Variants in SGCZ observed in about 807,000 individuals in gnomAD.
SGCZ encodes sarcoglycan zeta.
A neutral mutation model predicts 41.3 loss-of-function variants in SGCZ; 40 were observed. That is an observed-to-expected ratio of 0.97 (90% confidence interval 0.75 to 1.26). The LOEUF is 1.26. Among genes scored for constraint, SGCZ ranks in the 50% most tolerant of loss-of-function variants. SGCZ has a pLI of 0.00. For missense variants in SGCZ, 552 were observed against 369.8 expected (o/e 1.49, Z -4.04); for synonymous variants, 206 against 137.5 (o/e 1.50, Z -3.49).
chr8:14,714,395 C>T (rs940510214), intron 1 of SGCZ, among the ~76,000 whole-genome samples: 3 of 152,188 alleles, frequency 2.0e-5, no homozygotes, highest in Non-Finnish European at 4.4e-5. Context: ...ATGATTACTT[C>T]AAGCCAATGA....
intron 1 of SGCZ, among the ~76,000 whole-genome samples, chr8:14,941,762 CAG>C (rs935235334): frequency 9.9e-5 from 15 of 151,636 alleles, no homozygotes; most frequent in African/African-American, 2.2e-4. Flanking sequence ...TTGCATAAAA[CAG>C]ATATTTTAAA....
At chr8:14,532,337 G>A (rs1254880915) in intron 2 of SGCZ, among the ~76,000 whole-genome samples, 2 of 152,048 alleles carry the variant, frequency 1.3e-5, no homozygotes, top group Non-Finnish European at 2.9e-5. Flanking sequence ...TGGAGTCTTG[G>A]TAAAGCTAAC....
At chr8:15,049,500 T>A (rs1194925976) in intron 1 of SGCZ, among the ~76,000 whole-genome samples, 2 of 152,108 alleles carry the variant, frequency 1.3e-5, no homozygotes, top group African/African-American at 4.8e-5. Flanking sequence ...AGAAGTAACA[T>A]GATCTACATT....
At chr8:14,229,167 A>C (rs1806475149) in intron 4 of SGCZ, among the ~76,000 whole-genome samples, 1 of 152,172 alleles carries the variant, frequency 6.6e-6, no homozygotes, top group Admixed American at 6.6e-5. Context: ...CTGTACAAAT[A>C]ATTGTCAATT....
intron 1 of SGCZ, among the ~76,000 whole-genome samples, chr8:14,734,305 T>A (rs2036823): frequency 1 from 151,746 of 152,304 alleles, 75,600 homozygotes; most frequent in Middle Eastern, 1. Flanking sequence ...TACAAAATTG[T>A]AATAAAATAA....
intron 1 of SGCZ, among the ~76,000 whole-genome samples, chr8:15,209,591 A>G (rs1563185231): frequency 6.6e-6 from 1 of 152,054 alleles, no homozygotes; most frequent in Non-Finnish European, 1.5e-5. Context: ...TGGGATAGAC[A>G]TTTTGCTTAA....
At chr8:15,222,676 C>T (rs187043816) in intron 1 of SGCZ, among the ~76,000 whole-genome samples, 8 of 152,082 alleles carry the variant, frequency 5.3e-5, no homozygotes, top group Non-Finnish European at 1.0e-4. Context: ...ACATCCCAAA[C>T]TGCTTGGCTG....
rs532915654 is a variant in SGCZ, at chr8:14,629,598, G to C, written c.40-74672C>G. Among the ~76,000 whole-genome samples the C allele has an allele frequency of 2.0e-5, 3 of 152,172 alleles. No homozygotes were observed. In the South Asian group the frequency reaches 6.2e-4, roughly 32 times the overall value. On this transcript the variant is annotated intron_variant, in intron 1 of 7. Transcript: ENST00000382080. ...CCTCTTAGCCACTGGAAAGTGACTT[G>C]TTGGAATCTCTATGTATGCATGCAA... is the stretch of plus-strand genomic sequence containing the variant.
At chr8:14,869,932 A>T (rs940850822) in intron 1 of SGCZ, among the ~76,000 whole-genome samples, 5 of 152,226 alleles carry the variant, frequency 3.3e-5, no homozygotes, top group African/African-American at 4.8e-5. Context: ...CTAAGAGAGG[A>T]CACAAACAAA....
At chr8:14,829,778 G>C (rs990289589) in intron 1 of SGCZ, among the ~76,000 whole-genome samples, 4 of 151,866 alleles carry the variant, frequency 2.6e-5, no homozygotes, top group Non-Finnish European at 4.4e-5. Context: ...CATAAAACTT[G>C]TAAAGATTAA....
chr8:14,328,868 C>A (rs1802218375), intron 2 of SGCZ, among the ~76,000 whole-genome samples: 1 of 152,178 alleles, frequency 6.6e-6, no homozygotes, highest in Non-Finnish European at 1.5e-5. Context: ...GTAAATGAAG[C>A]TTCACGCAGT....
chr8:14,162,897 G>T (rs753025502), intron 5 of SGCZ, among the ~76,000 whole-genome samples: 3 of 152,128 alleles, frequency 2.0e-5, no homozygotes, highest in African/African-American at 4.8e-5. Context: ...TCGAGAGAGG[G>T]TCTGGCTCTG....
intron 1 of SGCZ, among the ~76,000 whole-genome samples, chr8:15,216,660 G>A (rs1437107270): frequency 6.6e-6 from 1 of 152,114 alleles, no homozygotes; most frequent in Non-Finnish European, 1.5e-5. Context: ...AGAAAATATG[G>A]AAAGCATCTT....
chr8:15,200,196 C>G (rs1466764135), intron 1 of SGCZ, among the ~76,000 whole-genome samples: 2 of 152,158 alleles, frequency 1.3e-5, no homozygotes, highest in Admixed American at 1.3e-4. Flanking sequence ...GTCAATATAG[C>G]ATAAATACTG....
intron 1 of SGCZ, among the ~76,000 whole-genome samples, chr8:14,884,696 G>A (rs868112868): frequency 5.3e-5 from 8 of 151,566 alleles, no homozygotes; most frequent in Non-Finnish European, 7.4e-5. Context: ...AGAAAGAAAA[G>A]GTAGATATTT....
chr8:15,207,482 G>C (rs750256114), intron 1 of SGCZ, among the ~76,000 whole-genome samples: 24 of 152,134 alleles, frequency 1.6e-4, no homozygotes, highest in Non-Finnish European at 3.5e-4. Context: ...AAAAGAGTGG[G>C]ATCATAGAAA....
intron 3 of SGCZ, among the ~76,000 whole-genome samples, chr8:14,288,659 T>A (rs910171869): frequency 6.6e-6 from 1 of 152,174 alleles, no homozygotes; most frequent in Admixed American, 6.6e-5. Context: ...TATATGGATT[T>A]ACCATATTTT....
rs866782439 is a variant in SGCZ, at chr8:14,636,656, C to T, written c.40-81730G>A. Among the ~76,000 whole-genome samples, 26 of 151,712 alleles carry T rather than the reference C, an allele frequency of 1.7e-4. No homozygotes were observed. The Admixed American group carries it at 1.7e-3, about 10-fold the overall frequency. On this transcript the variant is annotated intron_variant, in intron 1 of 7. Transcript: ENST00000382080. ...CCAAGCAGGAATGTCTACTTGACGGCTGATGCAAGTATCAGAAGCTCAGGA... is the reference window on the plus strand; with the variant it reads ...CCAAGCAGGAATGTCTACTTGACGGTTGATGCAAGTATCAGAAGCTCAGGA...
In SGCZ at chr8:15,159,748, CCCCACCCCCG is replaced by C. The variant is rs1563157602; in HGVS notation, c.39+77827_39+77836del. Among the ~76,000 whole-genome samples the C allele has an allele frequency of 6.7e-3, 366 of 54,974 alleles. 16 individuals carry two copies. Among genetic ancestry groups the C allele is most frequent in the Middle Eastern group, 0.025 (3 of 120 alleles). The allele number at this position is 54,974 out of a possible 152,430, so 36.1% of individuals were successfully genotyped here. On this transcript the variant is annotated intron_variant, in intron 1 of 7. Transcript: ENST00000382080. ...TCGCCCCCGCCCCCCCCACCCTCCCCCCCACCCCCGCCACACACACACAGATGGTGTCTGA... is the reference window on the plus strand; with the variant it reads ...TCGCCCCCGCCCCCCCCACCCTCCCCCCACACACACACAGATGGTGTCTGA...
Sources: gnomAD v4.1 joint callset for allele counts (sites outside exome capture counted in the v4.1 genomes callset) on GRCh38, gnomAD v4.1.1 for gene constraint, MANE v1.5 for transcripts, NCBI Gene and HGNC (gene_info 2026-07-23, HGNC 2026-07-21) for gene names.